TPRX1: variants seen among roughly 807,000 people sequenced by gnomAD.
The protein encoded by TPRX1 is tetra-peptide repeat homeobox protein 1.
Under a neutral mutation model 8.1 loss-of-function variants are expected in TPRX1, and 2 were observed. The ratio of observed to expected loss-of-function variants is 0.25; its 90% confidence interval spans 0.10 to 0.78. TPRX1 has a LOEUF of 0.78. Ranked by LOEUF, TPRX1 falls within the 30% of genes least tolerant of loss-of-function variation. The probability of loss-of-function intolerance (pLI) is 0.70; values close to 1 mark genes in which losing one functional copy is unlikely to be tolerated. For missense variants in TPRX1, 517 were observed against 586.9 expected, an observed-to-expected ratio of 0.88 and a Z score of 1.23; for synonymous variants, 257 against 254.1, an observed-to-expected ratio of 1.01 and a Z score of -0.11.
intron 2 of TPRX1, among the ~76,000 whole-genome samples, chr19:47,816,814 G>C (rs376184657): frequency 6.6e-6 from 1 of 152,028 alleles, no homozygotes; most frequent in Non-Finnish European, 1.5e-5. Context: ...TTACAGGCGT[G>C]AGCCACCACG....
In TPRX1 at chr19:47,811,711, C is replaced by G. The variant is rs574134613; in HGVS notation, c.151+6757G>C. Among the ~76,000 whole-genome samples, 216 of 151,744 alleles carry G rather than the reference C, an allele frequency of 1.4e-3. No individual in the cohort carries two copies. The Middle Eastern group carries it at 0.017, about 12-fold the overall frequency. On this transcript the variant is annotated intron_variant, in intron 2 of 3. Coordinates refer to ENST00000535759, the Ensembl canonical transcript of TPRX1. ...ATGGGGTTTCACCATATTGGCCAGGCTGGTCTCGAACTTCTGACCTCGTGA... is the reference window on the plus strand; with the variant it reads ...ATGGGGTTTCACCATATTGGCCAGGGTGGTCTCGAACTTCTGACCTCGTGA...
At chr19:47,814,948 T>C (rs1036970389) in intron 2 of TPRX1, among the ~76,000 whole-genome samples, 3 of 148,190 alleles carry the variant, frequency 2.0e-5, no homozygotes, top group Admixed American at 1.3e-4. Context: ...TACAGGCATG[T>C]GCCACCATGC....
intron 2 of TPRX1, among the ~76,000 whole-genome samples, chr19:47,816,493 A>G (rs1036586551): frequency 6.6e-6 from 1 of 150,778 alleles, no homozygotes; most frequent in African/African-American, 2.4e-5. Context: ...ATAGCCTCAA[A>G]TGATCCTCCT....
intron 2 of TPRX1, chr19:47,818,367 T>TCCATCCACC (rs112317969): frequency 6.7e-6 from 2 of 299,496 alleles, no homozygotes; most frequent in African/African-American, 8.9e-5. Flanking sequence ...CATCCATCCA[T>TCCATCCACC]CATCCATCAC....
intron 2 of TPRX1, among the ~76,000 whole-genome samples, chr19:47,812,793 A>T (rs990434164): frequency 3.3e-5 from 5 of 149,866 alleles, no homozygotes; most frequent in African/African-American, 1.2e-4. Context: ...TCTCAAAAAA[A>T]CCCCCCAAAA....
At chr19:47,807,287 G>A (rs1967744057) in intron 2 of TPRX1, among the ~76,000 whole-genome samples, 1 of 152,054 alleles carries the variant, frequency 6.6e-6, no homozygotes, top group African/African-American at 2.4e-5. Flanking sequence ...GAACTCCTGA[G>A]TTTAAACAAC....
intron 2 of TPRX1, among the ~76,000 whole-genome samples, chr19:47,813,871 C>G (rs1030650458): frequency 2.7e-5 from 4 of 150,766 alleles, no homozygotes; most frequent in African/African-American, 9.8e-5. Flanking sequence ...GCTGGGGAGA[C>G]CCAGGTGCCA....
intron 3 of TPRX1, 140 bp from the exon 3 acceptor site, chr19:47,803,120 C>T (rs1599950412): frequency 1.4e-6 from 1 of 734,040 alleles, no homozygotes; most frequent in Non-Finnish European, 1.9e-6. Context: ...AAGAGGGCCC[C>T]GGCTCCAAGG....
At chr19:47,815,127 T>TATATATATATATGCAA (rs1555800022) in intron 2 of TPRX1, among the ~76,000 whole-genome samples, 43 of 105,044 alleles carry the variant, frequency 4.1e-4, no homozygotes, top group South Asian at 6.4e-4. Context: ...TATATATATA[T>TATATATATATATGCAA]ATATATATAT....
At chr19:47,809,245 A>ATATTATAC (rs891435264) in intron 2 of TPRX1, among the ~76,000 whole-genome samples, 6 of 152,230 alleles carry the variant, frequency 3.9e-5, no homozygotes, top group Admixed American at 3.3e-4. Context: ...CAAAAAATAT[A>ATATTATAC]TATTATACAT....
intron 2 of TPRX1, among the ~76,000 whole-genome samples, chr19:47,817,449 G>C (rs1324346842): frequency 1.3e-5 from 2 of 152,312 alleles, no homozygotes; most frequent in Non-Finnish European, 2.9e-5. Flanking sequence ...CTGATCACCA[G>C]GTGATATGGC....
chr19:47,815,135 TA>T (rs1568617372), intron 2 of TPRX1, among the ~76,000 whole-genome samples: 67 of 114,106 alleles, frequency 5.9e-4, no homozygotes, highest in African/African-American at 2.2e-3. Flanking sequence ...TATATATATA[TA>T]TATATATGCA....
intron 2 of TPRX1, among the ~76,000 whole-genome samples, chr19:47,810,750 C>A (rs62131862): frequency 6.6e-6 from 1 of 151,790 alleles, no homozygotes; most frequent in Admixed American, 6.6e-5. Flanking sequence ...CCCACAGACA[C>A]CTCCCCATCC....
At chr19:47,806,773 C>G (rs545925473) in intron 2 of TPRX1, among the ~76,000 whole-genome samples, 3 of 152,108 alleles carry the variant, frequency 2.0e-5, no homozygotes, top group Admixed American at 2.0e-4. Flanking sequence ...GTGGTTGCTA[C>G]GGGTTGGGGA....
At chr19:47,803,007 G>C (rs766655266) in intron 3 of TPRX1, 27 bp from the exon 3 acceptor site, 42 of 1,530,432 alleles carry the variant, frequency 2.7e-5, no homozygotes, top group Middle Eastern at 4.7e-4. Context: ...ACAGGGAGAA[G>C]GTGTGAAGGA....
chr19:47,818,412 A>G (rs1967870714), intron 2 of TPRX1: 2 of 448,070 alleles, frequency 4.5e-6, no homozygotes, highest in African/African-American at 4.1e-5. Context: ...CCATCCATCC[A>G]TCCCTCCGTC....
Position 47,802,098 on chromosome 19 carries a change from TCGGGGCTAGGCCTGGA to T in TPRX1, c.1188_1203del (p.Pro397PhefsTer2). The T allele has an allele frequency of 1.9e-6, 3 of 1,589,480 alleles. No individual in the cohort carries two copies. Among genetic ancestry groups the T allele is most frequent in the Non-Finnish European group, 2.6e-6 (3 of 1,169,024 alleles). ...CCTGGGCCTGAGCCTGGGCCTAAAA[TCGGGGCTAGGCCTGGA>T]AGTGAGCCAGGGCTTCGCATCCGGC... On this transcript the variant is annotated frameshift_variant, in exon 4 of 4. Coordinates refer to ENST00000535759, the Ensembl canonical transcript of TPRX1. LOFTEE classifies it low-confidence loss of function (END_TRUNC).
intron 2 of TPRX1, chr19:47,818,405 T>G (rs552092693): frequency 2.6e-4 from 117 of 447,108 alleles, no homozygotes; most frequent in African/African-American, 2.2e-3. Flanking sequence ...CATCCATCCA[T>G]CCATCCATCC....
chr19:47,817,338 G>C (rs536338467), intron 2 of TPRX1, among the ~76,000 whole-genome samples: 3 of 152,320 alleles, frequency 2.0e-5, no homozygotes, highest in East Asian at 3.9e-4. Context: ...CTTTACAGAG[G>C]AGGAAACTGA....
Sources: allele counts gnomAD v4.1 joint callset (sites outside exome capture counted in the v4.1 genomes callset), GRCh38; gene constraint gnomAD v4.1.1; transcripts MANE v1.5; gene names NCBI Gene and HGNC (gene_info 2026-07-23, HGNC 2026-07-21).